The following ATF2 variants were observed in gnomAD, a reference collection of about 807,000 sequenced individuals.
ATF2 encodes the protein activating transcription factor 2.
A neutral mutation model predicts 60.6 loss-of-function variants in ATF2; 24 were observed. The observed-to-expected ratio is 0.40, with a 90% CI of 0.29 to 0.56. ATF2 has a LOEUF of 0.56. Among genes scored for constraint, ATF2 ranks in the 20% least tolerant of loss-of-function variants. ATF2 has a pLI of 0.54. For synonymous variants in ATF2, 206 were observed against 215.4 expected, an observed-to-expected ratio of 0.96 and a Z score of 0.38; for missense variants, 433 against 607.7, an observed-to-expected ratio of 0.71 and a Z score of 3.02.
intron 2 of ATF2, among the ~76,000 whole-genome samples, chr2:175,144,175 G>A (rs1259245763): frequency 1.3e-5 from 2 of 152,070 alleles, no homozygotes; most frequent in Non-Finnish European, 2.9e-5. Context: ...CTTATGACAT[G>A]GATTTCTGAT....
At chr2:175,148,083 A>G (rs1699073717) in intron 2 of ATF2, 1 of 151,982 alleles carries the variant, frequency 6.6e-6, no homozygotes, top group African/African-American at 2.4e-5. Flanking sequence ...CTGATAAAAA[A>G]AAAAACTAAT....
At chr2:175,154,234 A>AAATATAT (rs59907964) in intron 1 of ATF2, among the ~76,000 whole-genome samples, 1 of 131,626 alleles carries the variant, frequency 7.6e-6, no homozygotes, top group South Asian at 2.4e-4. Flanking sequence ...AGAAAAAAAA[A>AAATATAT]ATATATATAT....
intron 1 of ATF2, among the ~76,000 whole-genome samples, chr2:175,165,616 A>C (rs1700300172): frequency 6.6e-6 from 1 of 152,226 alleles, no homozygotes; most frequent in South Asian, 2.1e-4. Flanking sequence ...CAGATCCTGA[A>C]TACCAATAAA....
chr2:175,143,713 T>C (rs1698754369), intron 2 of ATF2, among the ~76,000 whole-genome samples: 1 of 152,188 alleles, frequency 6.6e-6, no homozygotes, highest in Non-Finnish European at 1.5e-5. Context: ...AAGTTGCATA[T>C]CTTGACACAC....
At chr2:175,157,054 T>A (rs1034992824) in intron 1 of ATF2, among the ~76,000 whole-genome samples, 6 of 152,194 alleles carry the variant, frequency 3.9e-5, no homozygotes, top group African/African-American at 1.2e-4. Flanking sequence ...ATAAAGTTTC[T>A]AAAGGGCATA....
At position 175,084,965 on chromosome 2, in the gene ATF2, G is replaced by C. The variant is rs556158483; in HGVS notation, c.1186-4200C>G. Among the ~76,000 whole-genome samples, 49 of 152,226 alleles carry C rather than the reference G, an allele frequency of 3.2e-4. 1 individual carries two copies. The highest frequency in any genetic ancestry group is 3.4e-3 in the Middle Eastern group (1 of 294). On this transcript the variant is annotated intron_variant, in intron 12 of 13. Transcript: ENST00000264110. ...TAAAAAATATCAAAGAAGGTGAAAT[G>C]AAAAAGCTTAAATAATATGAATCTG... is the stretch of plus-strand genomic sequence containing the variant.
chr2:175,074,912 A>T (rs751077492), intron 13 of ATF2, 77 bp from the exon 14 acceptor site: 101 of 1,573,608 alleles, frequency 6.4e-5, no homozygotes, highest in Middle Eastern at 3.3e-4. Context: ...CAATACACAG[A>T]GTAAAAAGTT....
rs112106476 is a variant in ATF2, at chr2:175,100,120, T to G, written c.829-2527A>C. On this transcript the variant is annotated intron_variant, in intron 10 of 13. Coordinates refer to ENST00000264110, the MANE Select transcript of ATF2 (RefSeq NM_001880.4). Reference sequence around the variant, plus strand: ...GGTCTTATAAAGCTGAGAATACACTTTAGGTTCAGAACCTAACTCTACCTC... The same window carrying G: ...GGTCTTATAAAGCTGAGAATACACTGTAGGTTCAGAACCTAACTCTACCTC... Among the ~76,000 whole-genome samples the G allele has an allele frequency of 1.9e-3, 293 of 152,324 alleles. 1 individual carries two copies. The highest frequency in any genetic ancestry group is 6.8e-3 in the African/African-American group (284 of 41,576).
At chr2:175,108,993 C>T (rs1695972060) in intron 10 of ATF2, among the ~76,000 whole-genome samples, 2 of 151,918 alleles carry the variant, frequency 1.3e-5, no homozygotes, top group Admixed American at 6.6e-5. Context: ...TAAGAGTCAT[C>T]ACCACTCCCT....
chr2:175,142,339 T>C (rs2105786307), intron 2 of ATF2, among the ~76,000 whole-genome samples: 1 of 152,132 alleles, frequency 6.6e-6, no homozygotes, highest in East Asian at 1.9e-4. Flanking sequence ...CGGCTAATTT[T>C]TGTATTTTTA....
chr2:175,151,890 T>A (rs1480135975), intron 1 of ATF2, among the ~76,000 whole-genome samples: 1 of 152,176 alleles, frequency 6.6e-6, no homozygotes, highest in Non-Finnish European at 1.5e-5. Context: ...AGCCATCACA[T>A]CTGCTGATCA....
chr2:175,145,227 G>A (rs1029480373), intron 2 of ATF2, among the ~76,000 whole-genome samples: 1 of 152,168 alleles, frequency 6.6e-6, no homozygotes, highest in Non-Finnish European at 1.5e-5. Context: ...GTGTGATATA[G>A]GTTGAATATA....
At chr2:175,105,471 A>C (rs1695590228) in intron 10 of ATF2, among the ~76,000 whole-genome samples, 1 of 152,222 alleles carries the variant, frequency 6.6e-6, no homozygotes, top group Non-Finnish European at 1.5e-5. Flanking sequence ...CACATTTGCA[A>C]GAAAAATCTC....
intron 10 of ATF2, among the ~76,000 whole-genome samples, chr2:175,101,435 G>A (rs1183627966): frequency 6.6e-6 from 1 of 152,052 alleles, no homozygotes; most frequent in African/African-American, 2.4e-5. Flanking sequence ...GTGATAAATT[G>A]GGGCTTTCAT....
At chr2:175,133,023 A>G (rs1408914288) in intron 3 of ATF2, among the ~76,000 whole-genome samples, 3 of 151,858 alleles carry the variant, frequency 2.0e-5, no homozygotes, top group Non-Finnish European at 4.4e-5. Flanking sequence ...GGGGAGGTAG[A>G]GGTTGCAGTG....
chr2:175,089,290 GAAAACTA>G (rs1368533148), intron 12 of ATF2, among the ~76,000 whole-genome samples: 1 of 152,108 alleles, frequency 6.6e-6, no homozygotes, highest in African/African-American at 2.4e-5. Context: ...AATGATTTGG[GAAAACTA>G]AAACATGATT....
At chr2:175,111,877 C>T (rs569101852) in intron 9 of ATF2, among the ~76,000 whole-genome samples, 11 of 152,084 alleles carry the variant, frequency 7.2e-5, no homozygotes, top group Non-Finnish European at 1.6e-4. Context: ...TTTTCAGTTT[C>T]TACAATTTCT....
chr2:175,118,027 G>A lies in ATF2; in HGVS notation c.410C>T (p.Pro137Leu). 1 of 1,611,882 alleles carries A rather than the reference G, an allele frequency of 6.2e-7. No homozygotes were observed. Residue 137 changes from proline (P) to leucine (L), a missense_variant, in exon 7 of 14, where the codon CCT becomes CTT. By Grantham distance (98) the Pro-to-Leu change is moderately conservative (BLOSUM62 -3). This residue lies in a region of ATF2 where 246 missense variants were observed against 309.3 expected (regional missense o/e 0.80). Coordinates refer to ENST00000264110, the MANE Select transcript of ATF2 (RefSeq NM_001880.4). ...GGTAGTAGACTCTGGGTGAGGTAAA[G>A]GACTATCCTGGTGAGTTGTTTCTAC... The part of the protein sequence containing the change: ...SVVETTHQDS[P>L]LPHPESTTSD...
At chr2:175,111,852 C>CGT (rs1696216413) in intron 9 of ATF2, among the ~76,000 whole-genome samples, 198 bp from the exon 10 acceptor site, 2 of 151,862 alleles carry the variant, frequency 1.3e-5, no homozygotes, top group Admixed American at 1.3e-4. Flanking sequence ...ATTTCTGAGA[C>CGT]GTGTGCTTTC....
Sources: gnomAD v4.1 joint callset for allele counts (sites outside exome capture counted in the v4.1 genomes callset) on GRCh38, gnomAD v4.1.1 for gene constraint, gnomAD v4.1.1 regional missense constraint, MANE v1.5 for transcripts, NCBI Gene and HGNC (gene_info 2026-07-23, HGNC 2026-07-21) for gene names.